Variants in BABAM2 observed in about 807,000 individuals in gnomAD.
The protein encoded by BABAM2 is BRISC and BRCA1-A complex member 2.
A neutral mutation model predicts 54.7 loss-of-function variants in BABAM2; 31 were observed. The observed-to-expected ratio is 0.57, with a 90% CI of 0.43 to 0.77. The LOEUF is 0.77. BABAM2 is among the 30% of genes least tolerant of loss of function. The pLI is 0.00. For synonymous variants in BABAM2, 167 were observed against 162.9 expected, an observed-to-expected ratio of 1.03 and a Z score of -0.19; for missense variants, 364 against 455.8, an observed-to-expected ratio of 0.80 and a Z score of 1.83.
At chr2:28,123,636 T>C (rs989116051) in intron 6 of BABAM2, among the ~76,000 whole-genome samples, 3 of 152,204 alleles carry the variant, frequency 2.0e-5, no homozygotes, top group Non-Finnish European at 4.4e-5. Flanking sequence ...ACATGCTTGT[T>C]AGAGTTGCAG....
intron 10 of BABAM2, among the ~76,000 whole-genome samples, chr2:28,248,201 C>CTTTTTCTTTTTCT (rs1683069518): frequency 4.0e-5 from 1 of 25,286 alleles, no homozygotes; most frequent in Non-Finnish European, 1.2e-4. Flanking sequence ...TGTTTATTTT[C>CTTTTTCTTTTTCT]TTTTTCTTTT....
intron 7 of BABAM2, among the ~76,000 whole-genome samples, chr2:28,150,176 A>G (rs1333193615): frequency 6.6e-6 from 1 of 152,138 alleles, no homozygotes; most frequent in Non-Finnish European, 1.5e-5. Flanking sequence ...GATGTTTTAC[A>G]TTTTACAAGT....
At chr2:28,204,767 A>G (rs778225838) in intron 7 of BABAM2, among the ~76,000 whole-genome samples, 28 of 152,188 alleles carry the variant, frequency 1.8e-4, no homozygotes, top group Non-Finnish European at 3.5e-4. Context: ...CAGTCTATGC[A>G]TCAACCTTAT....
intron 6 of BABAM2, among the ~76,000 whole-genome samples, chr2:28,112,819 C>A (rs1488558925): frequency 6.6e-6 from 1 of 152,178 alleles, no homozygotes; most frequent in African/African-American, 2.4e-5. Flanking sequence ...TTTACACTCT[C>A]AACAGTGTAA....
intron 11 of BABAM2, among the ~76,000 whole-genome samples, chr2:28,334,873 C>T (rs1184415833): frequency 2.0e-5 from 3 of 152,250 alleles, no homozygotes; most frequent in Non-Finnish European, 4.4e-5. Context: ...TTGCCTAGGT[C>T]TGGAGCTCTG....
chr2:28,068,498 A>G (rs1322863698), intron 6 of BABAM2, among the ~76,000 whole-genome samples: 4 of 152,226 alleles, frequency 2.6e-5, no homozygotes, highest in Non-Finnish European at 5.9e-5. Context: ...GATTCTGTCA[A>G]GACAATTTGA....
chr2:27,890,087 T>C, upstream of BABAM2: 1 of 596,420 alleles, frequency 1.7e-6, no homozygotes. The surrounding 1 kb of genome is among the most constrained non-coding windows in gnomAD (Gnocchi z 4.8). Context: ...TATACTCAAG[T>C]TCTTTCATGC....
intron 6 of BABAM2, among the ~76,000 whole-genome samples, chr2:28,092,474 A>G (rs1666233582): frequency 6.6e-6 from 1 of 152,224 alleles, no homozygotes; most frequent in African/African-American, 2.4e-5. Context: ...ACCATTTAAA[A>G]TAGCATCAAA....
At chr2:28,083,539 AT>A (rs1218865394) in intron 6 of BABAM2, among the ~76,000 whole-genome samples, 1 of 152,110 alleles carries the variant, frequency 6.6e-6, no homozygotes, top group Admixed American at 6.5e-5. Flanking sequence ...ACTATTAAAT[AT>A]TTCCTATTTT....
Position 28,241,381 on chromosome 2 carries a change from G to C in BABAM2, c.839G>C (p.Ser280Thr), listed in dbSNP as rs1222362551. The change falls in exon 9 of 12, where the codon AGT becomes ACT. Residue 280 changes from serine to threonine, a missense_variant. Coordinates refer to ENST00000379624, the MANE Select transcript of BABAM2 (RefSeq NM_199191.3). ...AGAGAGTATATTGCTGCTTTTCTCA[G>C]TCACTTTGGCACGTAAGTTCTGCCC... ...KRREYIAAFL[S>T]HFGTGVVEYD... The C allele has an allele frequency of 6.2e-7, 1 of 1,613,870 alleles. No individual in the cohort carries two copies. The highest frequency in any genetic ancestry group is 8.5e-7 in the Non-Finnish European group (1 of 1,179,898).
intron 7 of BABAM2, among the ~76,000 whole-genome samples, chr2:28,169,653 C>T (rs370015405): frequency 7.3e-5 from 11 of 151,712 alleles, no homozygotes; most frequent in East Asian, 3.9e-4. Flanking sequence ...CGTAGTAGGG[C>T]GTGCCTGTAG....
At chr2:28,140,442 G>A (rs1180414252) in intron 7 of BABAM2, among the ~76,000 whole-genome samples, 1 of 152,012 alleles carries the variant, frequency 6.6e-6, no homozygotes, top group Non-Finnish European at 1.5e-5. Flanking sequence ...TAGAATGGTG[G>A]AATTATTCTC....
intron 7 of BABAM2, among the ~76,000 whole-genome samples, chr2:28,152,811 C>A (rs1382795160): frequency 6.6e-6 from 1 of 152,188 alleles, no homozygotes; most frequent in Admixed American, 6.5e-5. Flanking sequence ...TGGTCATCGG[C>A]TACTAGGCAT....
At chr2:27,938,106 G>T (rs1443886717) in intron 3 of BABAM2, among the ~76,000 whole-genome samples, 1 of 152,142 alleles carries the variant, frequency 6.6e-6, no homozygotes, top group African/African-American at 2.4e-5. Context: ...TCAAAAATCA[G>T]TTAGCTGTAG....
At chr2:28,017,647 G>A (rs1041239228) in intron 4 of BABAM2, among the ~76,000 whole-genome samples, 2 of 152,144 alleles carry the variant, frequency 1.3e-5, no homozygotes, top group Non-Finnish European at 2.9e-5. Flanking sequence ...TTCCCAAAAA[G>A]AAACTGTGTA....
intron 10 of BABAM2, among the ~76,000 whole-genome samples, chr2:28,251,954 G>GC (rs2148106342): frequency 6.6e-6 from 1 of 152,256 alleles, no homozygotes; most frequent in South Asian, 2.1e-4. Context: ...ACTTGGGGAG[G>GC]CCAAGGTGGG....
chr2:28,230,729 A>AAAG (rs1681308814), intron 7 of BABAM2, among the ~76,000 whole-genome samples: 1 of 151,242 alleles, frequency 6.6e-6, no homozygotes, highest in Non-Finnish European at 1.5e-5. Flanking sequence ...AAAAAAAAAA[A>AAAG]AAGAAGAAGA....
intron 10 of BABAM2, among the ~76,000 whole-genome samples, chr2:28,269,282 C>T (rs1418647409): frequency 6.6e-6 from 1 of 152,210 alleles, no homozygotes; most frequent in Non-Finnish European, 1.5e-5. Flanking sequence ...CTCCCTTCCC[C>T]CTTCTCCTCT....
intron 5 of BABAM2, among the ~76,000 whole-genome samples, chr2:28,032,842 A>T (rs866893568): frequency 2.0e-5 from 3 of 152,112 alleles, no homozygotes; most frequent in African/African-American, 7.2e-5. Context: ...AATTATAGAT[A>T]TATAGGAAGT....
Sources: allele counts gnomAD v4.1 joint callset (sites outside exome capture counted in the v4.1 genomes callset), GRCh38; gene constraint gnomAD v4.1.1; non-coding constraint Gnocchi (gnomAD v3.1); transcripts MANE v1.5; gene names NCBI Gene and HGNC (gene_info 2026-07-23, HGNC 2026-07-21).